Variants in GPC6 observed in about 807,000 individuals in gnomAD.
GPC6 encodes glypican 6.
Under a neutral mutation model 55.2 loss-of-function variants are expected in GPC6, and 14 were observed. That is an observed-to-expected ratio of 0.25 (90% confidence interval 0.17 to 0.40). The LOEUF (loss-of-function observed/expected upper bound fraction) is 0.40. Ranked by LOEUF, GPC6 falls within the 10% of genes least tolerant of loss-of-function variation. The pLI is 1.00. For synonymous variants in GPC6, 278 were observed against 259.6 expected (o/e 1.07, Z -0.68); for missense variants, 641 against 708.5 (o/e 0.90, Z 1.08).
chr13:93,844,624 G>C (rs1243125348), intron 3 of GPC6, among the ~76,000 whole-genome samples: 1 of 148,792 alleles, frequency 6.7e-6, no homozygotes, highest in Non-Finnish European at 1.5e-5. Context: ...AGTTTCTTTT[G>C]CTGTGCAGAA....
intron 2 of GPC6, among the ~76,000 whole-genome samples, chr13:93,619,973 A>T (rs9561413): frequency 6.6e-6 from 1 of 152,028 alleles, no homozygotes; most frequent in Non-Finnish European, 1.5e-5. Flanking sequence ...TATGTCTGTG[A>T]TACAGATCAG....
chr13:93,377,365 G>A (rs1445247614), intron 1 of GPC6, among the ~76,000 whole-genome samples: 1 of 152,174 alleles, frequency 6.6e-6, no homozygotes. Flanking sequence ...GTGCAAGAAG[G>A]TTTAGTGCCA....
chr13:94,092,477 T>A (rs1885523987), intron 4 of GPC6, among the ~76,000 whole-genome samples: 1 of 152,194 alleles, frequency 6.6e-6, no homozygotes, highest in Non-Finnish European at 1.5e-5. Context: ...TCTCTTTTAA[T>A]GCTACATAGT....
intron 4 of GPC6, among the ~76,000 whole-genome samples, chr13:94,116,691 A>G (rs556519392): frequency 1.2e-4 from 18 of 152,230 alleles, no homozygotes; most frequent in African/African-American, 3.8e-4. Context: ...TTTGTATTCT[A>G]CGATGGAGAA....
At chr13:93,527,795 A>C (rs576319719) in intron 1 of GPC6, among the ~76,000 whole-genome samples, 1 of 152,170 alleles carries the variant, frequency 6.6e-6, no homozygotes, top group Non-Finnish European at 1.5e-5. Flanking sequence ...AGTGGGAATT[A>C]AGGTAATTAT....
intron 1 of GPC6, among the ~76,000 whole-genome samples, chr13:93,379,804 C>T (rs1924385): frequency 0.78 from 117,982 of 151,990 alleles, 47,909 homozygotes; most frequent in East Asian, 0.97. Context: ...ATTAATCCCA[C>T]GTATTTCTCA....
intron 1 of GPC6, among the ~76,000 whole-genome samples, chr13:93,371,448 A>C (rs1045146759): frequency 1.1e-4 from 16 of 152,288 alleles, no homozygotes; most frequent in Middle Eastern, 3.4e-3. Flanking sequence ...ATCTCAAAGA[A>C]TCTTGCAAGT....
At chr13:93,953,914 A>G (rs1879377455) in intron 3 of GPC6, among the ~76,000 whole-genome samples, 1 of 152,210 alleles carries the variant, frequency 6.6e-6, no homozygotes, top group South Asian at 2.1e-4. Context: ...AGTAAATTAC[A>G]CATCACATAA....
intron 6 of GPC6, among the ~76,000 whole-genome samples, chr13:94,359,371 G>A (rs1007888982): frequency 6.6e-6 from 1 of 152,138 alleles, no homozygotes; most frequent in Non-Finnish European, 1.5e-5. Context: ...CCATGGCATA[G>A]TATAAAAATT....
chr13:94,004,418 C>G (rs933102111), intron 3 of GPC6, among the ~76,000 whole-genome samples: 1 of 151,992 alleles, frequency 6.6e-6, no homozygotes, highest in Non-Finnish European at 1.5e-5. Context: ...CAGTGCAACC[C>G]CTCCATCCCA....
In GPC6 at chr13:94,156,755, T is replaced by C. The variant is rs150894385; in HGVS notation, c.877+128861T>C. ...CCATGCCCAGGAGCTCCCAGAGGTG[T>C]GGTAAGTGTTGCTTTGGAACAGACA... On this transcript the variant is annotated intron_variant, in intron 4 of 8. Coordinates refer to ENST00000377047, the MANE Select transcript of GPC6 (RefSeq NM_005708.5). Among the ~76,000 whole-genome samples, 289 of 152,252 alleles carry C rather than the reference T, an allele frequency of 1.9e-3. 1 individual carries two copies. The highest frequency in any genetic ancestry group is 3.6e-3 in the Non-Finnish European group (244 of 68,020).
At chr13:94,219,178 G>A (rs145309490) in intron 4 of GPC6, among the ~76,000 whole-genome samples, 1,819 of 152,266 alleles carry the variant, frequency 0.012, 18 homozygotes, top group Non-Finnish European at 0.019. Flanking sequence ...TTCAAGCAGA[G>A]ATATAGATAT....
At chr13:93,450,222 A>G (rs1296972507) in intron 1 of GPC6, among the ~76,000 whole-genome samples, 2 of 152,242 alleles carry the variant, frequency 1.3e-5, no homozygotes, top group African/African-American at 2.4e-5. Flanking sequence ...AAATATTTAC[A>G]GTTGAGCAAG....
At chr13:93,738,057 A>G (rs1280332242) in intron 2 of GPC6, among the ~76,000 whole-genome samples, 1 of 152,174 alleles carries the variant, frequency 6.6e-6, no homozygotes, top group Non-Finnish European at 1.5e-5. Flanking sequence ...ACAACTTGAT[A>G]CGTCATAGGA....
intron 4 of GPC6, among the ~76,000 whole-genome samples, chr13:94,173,906 C>A (rs1888658800): frequency 6.6e-6 from 1 of 152,148 alleles, no homozygotes. Context: ...TCTGTGGTAA[C>A]GTAATTGCAA....
intron 2 of GPC6, among the ~76,000 whole-genome samples, chr13:93,809,376 G>T (rs2138948805): frequency 6.6e-6 from 1 of 152,286 alleles, no homozygotes; most frequent in Non-Finnish European, 1.5e-5. Flanking sequence ...AATTCAATTT[G>T]CATAATGAAA....
At position 93,315,934 on chromosome 13, in the gene GPC6, A is replaced by G. The variant is rs1307232691; in HGVS notation, c.160+88318A>G. 2.0e-5 allele frequency among the ~76,000 whole-genome samples: 3 copies of G among 152,160 alleles called. No homozygotes were observed. In the East Asian group the frequency reaches 5.8e-4, roughly 29 times the overall value. On this transcript the variant is annotated intron_variant, in intron 1 of 8. Transcript: ENST00000377047. ...TTCTGATCCTCTAGCTAATATGCAT[A>G]TATATGAAAAAAATTAATAACGTTC...
intron 2 of GPC6, among the ~76,000 whole-genome samples, chr13:93,800,170 C>G (rs1566542165): frequency 6.6e-6 from 1 of 152,158 alleles, no homozygotes; most frequent in South Asian, 2.1e-4. Flanking sequence ...GAGTACATAA[C>G]AACTATGACA....
chr13:93,454,995 G>A (rs1025873725), intron 1 of GPC6, among the ~76,000 whole-genome samples: 8 of 152,334 alleles, frequency 5.3e-5, no homozygotes, highest in African/African-American at 1.9e-4. Context: ...CACTGCTGGG[G>A]GACCCAGTAC....
Sources: allele counts gnomAD v4.1 joint callset (sites outside exome capture counted in the v4.1 genomes callset), GRCh38; gene constraint gnomAD v4.1.1; transcripts MANE v1.5; gene names NCBI Gene and HGNC (gene_info 2026-07-23, HGNC 2026-07-21).